IQSEC3: variants seen among roughly 807,000 people sequenced by gnomAD.
IQSEC3 encodes IQ motif and Sec7 domain ArfGEF 3.
A neutral mutation model predicts 105.4 loss-of-function variants in IQSEC3; 50 were observed. That is an observed-to-expected ratio of 0.47 (90% CI 0.38 to 0.60). IQSEC3 has a LOEUF of 0.60. IQSEC3 is among the 20% of genes least tolerant of loss of function. The pLI is 0.00. For synonymous variants in IQSEC3, 708 were observed against 746.0 expected (o/e 0.95, Z 0.83); for missense variants, 1,415 against 1,630.0 (o/e 0.87, Z 2.27).
chr12:120,989 C>T (rs908540948), intron 2 of IQSEC3, among the ~76,000 whole-genome samples: 21 of 152,174 alleles, frequency 1.4e-4, no homozygotes, highest in African/African-American at 5.1e-4. Context: ...TCCCGGCTAG[C>T]GCACTGCCAC....
intron 2 of IQSEC3, among the ~76,000 whole-genome samples, chr12:114,627 T>G (rs1039818262): frequency 2.0e-5 from 3 of 152,192 alleles, no homozygotes; most frequent in African/African-American, 7.2e-5. Context: ...TTTCTAGACA[T>G]CAGGGCAGGA....
Position 139,031 on chromosome 12 carries a change from G to C in IQSEC3, c.1668G>C (p.Glu556Asp). 1.3e-6 allele frequency: 2 copies of C among 1,501,398 alleles called. No homozygotes were observed. The highest frequency in any genetic ancestry group is 1.8e-6 in the Non-Finnish European group (2 of 1,124,612). The allele number at this position is 1,501,398 out of a possible 1,614,324, so 93.0% of individuals were successfully genotyped here. Residue 556 changes from glutamate (E) to aspartate (D), a missense_variant, in exon 4 of 14, where the codon GAG becomes GAC. Around this residue, in one of 6 missense-constraint regions of IQSEC3, gnomAD observed 720 missense variants for 633.0 expected, o/e 1.14. Coordinates refer to ENST00000538872, the MANE Select transcript of IQSEC3 (RefSeq NM_001170738.2). ...EDASAEDSCA[E>D]AAASGAADGA... ...CGTCAGCCGAGGACTCATGCGCAGA[G>C]GCTGCGGCTAGTGGGGCGGCGGATG...
At chr12:165,557 A>T (rs906271734) in intron 10 of IQSEC3, 24 bp downstream of exon 10, 2 of 1,603,112 alleles carry the variant, frequency 1.2e-6, no homozygotes, top group African/African-American at 2.7e-5. Flanking sequence ...AGCCAGTGTA[A>T]GTCTTTGAGA....
At chr12:77,035 A>G (rs1863559841) in intron 1 of IQSEC3, among the ~76,000 whole-genome samples, 1 of 152,392 alleles carries the variant, frequency 6.6e-6, no homozygotes, top group East Asian at 1.9e-4. Flanking sequence ...TCAACCAATG[A>G]TTATTTAAAA....
chr12:174,823 G>GCTGAGCCAGGC lies in IQSEC3; in HGVS notation c.3340_3350dup (p.Leu1118Ter). On this transcript the variant is annotated frameshift_variant, in exon 14 of 14. Transcript: ENST00000538872. LOFTEE classifies it high-confidence loss of function. ...CCTGCCTGGCCCGCATGGAGCCCCTGCTGAGCCAGGCTCTCTCCTGCTACA... is the reference window on the plus strand; with the variant it reads ...CCTGCCTGGCCCGCATGGAGCCCCTGCTGAGCCAGGCCTGAGCCAGGCTCTCTCCTGCTACA... 1.3e-6 allele frequency: 2 copies of GCTGAGCCAGGC among 1,581,942 alleles called. No individual in the cohort carries two copies. The highest frequency in any genetic ancestry group is 1.7e-6 in the Non-Finnish European group (2 of 1,172,536).
At chr12:74,562 C>T (rs2650214) in intron 1 of IQSEC3, among the ~76,000 whole-genome samples, 8 of 152,134 alleles carry the variant, frequency 5.3e-5, no homozygotes, top group East Asian at 1.9e-4. Context: ...GACTGGTGTG[C>T]GTGCTGAGCG....
At chr12:161,139 G>C (rs975899038) in intron 7 of IQSEC3, among the ~76,000 whole-genome samples, 1 of 152,166 alleles carries the variant, frequency 6.6e-6, no homozygotes. Flanking sequence ...CCTTTCAGTA[G>C]CTGGGAACAC....
intron 2 of IQSEC3, chr12:106,874 G>A (rs1019087208): frequency 6.6e-6 from 1 of 152,050 alleles, no homozygotes; most frequent in Non-Finnish European, 1.5e-5. Context: ...AAATGATTTT[G>A]TATCTGTTTG....
chr12:98,068 T>C (rs781790463), intron 1 of IQSEC3, among the ~76,000 whole-genome samples: 7 of 152,238 alleles, frequency 4.6e-5, no homozygotes, highest in African/African-American at 7.2e-5. Context: ...TGAAGGAATT[T>C]TGAAAATCCC....
chr12:150,962 T>TG (rs1866485654), intron 5 of IQSEC3, among the ~76,000 whole-genome samples: 1 of 140,110 alleles, frequency 7.1e-6, no homozygotes, highest in African/African-American at 2.7e-5. Flanking sequence ...CTCTCCAGCA[T>TG]GTGTCTGCAC....
intron 2 of IQSEC3, among the ~76,000 whole-genome samples, chr12:102,791 AAAGGGAGGCTG>A (rs1364678709): frequency 3.3e-5 from 5 of 152,194 alleles, no homozygotes; most frequent in African/African-American, 9.7e-5. Flanking sequence ...GGGTGTCTGC[AAAGGGAGGCTG>A]AAGGGAGGGC....
chr12:159,709 T>C (rs1866818738), intron 7 of IQSEC3, among the ~76,000 whole-genome samples: 1 of 152,198 alleles, frequency 6.6e-6, no homozygotes, highest in Admixed American at 6.5e-5. Flanking sequence ...CTTGCTACAG[T>C]TCTTCTTCCA....
At chr12:126,659 C>T (rs1441740570) in intron 3 of IQSEC3, among the ~76,000 whole-genome samples, 3 of 152,088 alleles carry the variant, frequency 2.0e-5, no homozygotes, top group Admixed American at 2.0e-4. Context: ...AGTCCTCGCT[C>T]TTCCTCCTAT....
intron 1 of IQSEC3, among the ~76,000 whole-genome samples, chr12:71,920 A>G (rs1452786691): frequency 3.9e-5 from 6 of 152,290 alleles, no homozygotes; most frequent in African/African-American, 1.4e-4. Flanking sequence ...CTTTTTATTC[A>G]TAGCTAGAAG....
intron 2 of IQSEC3, among the ~76,000 whole-genome samples, chr12:103,698 C>T: frequency 9.9e-5 from 1 of 10,100 alleles, no homozygotes; most frequent in Non-Finnish European, 1.6e-4. Context: ...TAGGTGGGGG[C>T]TCAGGAGGGG....
chr12:169,475 ACT>A (rs1555099656), intron 12 of IQSEC3, among the ~76,000 whole-genome samples: 1 of 151,988 alleles, frequency 6.6e-6, no homozygotes, highest in Non-Finnish European at 1.5e-5. Flanking sequence ...CACGAGGAAC[ACT>A]CTCCAACCAG....
In IQSEC3 at chr12:138,290, C is replaced by T. The variant is rs782560048; in HGVS notation, c.927C>T (p.Tyr309=). The T allele has an allele frequency of 3.1e-6, 5 of 1,613,228 alleles. No individual in the cohort carries two copies. The highest frequency in any genetic ancestry group is 1.3e-5 in the African/African-American group (1 of 74,916). ...AGATTGAAATGCTAGAACATAAGTA[C>T]GGCGGTCACCTGGTGTCCCGGCGCG... ...NKQIEMLEHK[Y]GGHLVSRRAA... The change falls in exon 4 of 14, where the codon TAC becomes TAT. Residue 309 remains tyrosine (Y), a synonymous_variant. Transcript: ENST00000538872. This position sits in a 1 kb window ranked among gnomAD's most constrained non-coding sequence, Gnocchi z 7.1.
intron 2 of IQSEC3, among the ~76,000 whole-genome samples, chr12:104,788 G>A (rs1259252630): frequency 1.3e-5 from 2 of 152,274 alleles, no homozygotes; most frequent in Non-Finnish European, 2.9e-5. Context: ...GGATAGCCCT[G>A]CATTGGCATA....
chr12:76,483 C>T (rs1183267166), intron 1 of IQSEC3, among the ~76,000 whole-genome samples: 2 of 152,398 alleles, frequency 1.3e-5, no homozygotes, highest in East Asian at 3.9e-4. Flanking sequence ...ATCAGCATAG[C>T]TTTATCTCAG....
Sources: gnomAD v4.1 joint callset for allele counts (sites outside exome capture counted in the v4.1 genomes callset) on GRCh38, gnomAD v4.1.1 for gene constraint, gnomAD v4.1.1 regional missense constraint, Gnocchi (gnomAD v3.1) non-coding constraint, MANE v1.5 for transcripts, NCBI Gene and HGNC (gene_info 2026-07-23, HGNC 2026-07-21) for gene names.